Variants in YAF2 observed in about 807,000 individuals in gnomAD.
YAF2 encodes the protein YY1-associated factor 2.
In YAF2, 7 loss-of-function variants were observed where a neutral mutation model predicts 20.1. The ratio of observed to expected loss-of-function variants is 0.35; its 90% CI spans 0.20 to 0.65. The LOEUF is 0.65. Ranked by LOEUF, YAF2 falls within the 30% of genes least tolerant of loss-of-function variation. The pLI is 0.69. For missense variants in YAF2, 151 were observed against 219.2 expected (o/e 0.69, Z 1.96); for synonymous variants, 74 against 76.0 (o/e 0.97, Z 0.14).
rs915462595 is a variant in YAF2 at position 42,235,977 on chromosome 12, T to C, written c.152+1622A>G. ...ACTGGCTGTGGAGTAGGACACCAGCTTCCCCCCTTCCTTGCTGTCCCTGCA... is the reference window on the plus strand; with the variant it reads ...ACTGGCTGTGGAGTAGGACACCAGCCTCCCCCCTTCCTTGCTGTCCCTGCA... On this transcript the variant is annotated intron_variant, in intron 2 of 3. Transcript: ENST00000534854. The C allele has an allele frequency of 4.6e-6, 7 of 1,535,974 alleles. No individual in the cohort carries two copies. In the African/African-American group the frequency reaches 9.6e-5, roughly 21 times the overall value.
At chr12:42,210,315 GGA>G (rs1491042866) in intron 2 of YAF2, 2 of 1,390,500 alleles carry the variant, frequency 1.4e-6, no homozygotes, top group African/African-American at 2.9e-5. Flanking sequence ...AAATTTGGGG[GGA>G]AAAAAAATCT....
At chr12:42,185,237 T>C (rs1018698333) in intron 2 of YAF2, among the ~76,000 whole-genome samples, 5 of 152,270 alleles carry the variant, frequency 3.3e-5, no homozygotes, top group African/African-American at 1.2e-4. Flanking sequence ...AACAAGAAGA[T>C]GTGACTGAAT....
chr12:42,228,255 G>A lies in YAF2; in HGVS notation c.152+9344C>T, dbSNP rs1174284284. Among the ~76,000 whole-genome samples the A allele has an allele frequency of 6.5e-5, 5 of 76,640 alleles. 1 individual carries two copies. The highest frequency in any genetic ancestry group is 1.2e-3 in the South Asian group (2 of 1,664). 50.3% of individuals were successfully genotyped at this position (76,640 alleles called of 152,430 possible). On this transcript the variant is annotated intron_variant, in intron 2 of 3. Coordinates refer to ENST00000534854, the MANE Select transcript of YAF2 (RefSeq NM_005748.6). The stretch of plus-strand genomic sequence containing the variant: ...CGTCCTGGAGGGAGGTGGGGGTGTC[G>A]GCCCCCCGCCCGCGCCAGCCGCCCC...
intron 1 of YAF2, 98 bp downstream of exon 1, chr12:42,238,056 GC>G (rs1402819162): frequency 8.4e-6 from 9 of 1,068,892 alleles, no homozygotes; most frequent in Non-Finnish European, 1.1e-5. Context: ...CCCCGTGCTC[GC>G]CCCGGTGCCC....
At chr12:42,211,121 T>C (rs2067195197) in intron 2 of YAF2, among the ~76,000 whole-genome samples, 1 of 152,164 alleles carries the variant, frequency 6.6e-6, no homozygotes, top group South Asian at 2.1e-4. Flanking sequence ...ACAATTCTCA[T>C]TTTATCACTC....
chr12:42,235,746 C>T, intron 2 of YAF2: 2 of 1,535,124 alleles, frequency 1.3e-6, no homozygotes, highest in Non-Finnish European at 1.7e-6. Context: ...TCTACAAGAG[C>T]TTAGATGTAC....
At chr12:42,217,335 T>C (rs1032652239) in intron 2 of YAF2, among the ~76,000 whole-genome samples, 6 of 152,198 alleles carry the variant, frequency 3.9e-5, no homozygotes, top group African/African-American at 1.2e-4. Context: ...ACTCTGATAA[T>C]ACAGCTTTGC....
intron 2 of YAF2, among the ~76,000 whole-genome samples, chr12:42,220,324 ATTATC>A (rs143602849): frequency 0.024 from 3,660 of 152,308 alleles, 146 homozygotes; most frequent in African/African-American, 0.084. Flanking sequence ...GAGAAAAAGA[ATTATC>A]TTAAGGAAAA....
At chr12:42,214,865 G>T (rs368165778) in intron 2 of YAF2, among the ~76,000 whole-genome samples, 1 of 151,916 alleles carries the variant, frequency 6.6e-6, no homozygotes, top group Non-Finnish European at 1.5e-5. Flanking sequence ...TTAACCAGGC[G>T]TGGTGGCAGG....
chr12:42,200,733 T>A (rs940382416), intron 2 of YAF2, among the ~76,000 whole-genome samples: 11 of 152,170 alleles, frequency 7.2e-5, no homozygotes, highest in Non-Finnish European at 1.5e-4. Context: ...ATTGTACACA[T>A]CATTCTGAAA....
chr12:42,191,968 G>A (rs192362642), intron 2 of YAF2, among the ~76,000 whole-genome samples: 2 of 152,110 alleles, frequency 1.3e-5, no homozygotes, highest in Admixed American at 1.3e-4. Context: ...CTTGAACCCA[G>A]GAGGAGGAGG....
At chr12:42,187,841 G>C (rs1428521945) in intron 2 of YAF2, among the ~76,000 whole-genome samples, 2 of 152,164 alleles carry the variant, frequency 1.3e-5, no homozygotes, top group Admixed American at 6.5e-5. Context: ...ATTACAAAGT[G>C]GGATTTCTGG....
At chr12:42,179,103 T>C (rs149062154) in intron 2 of YAF2, among the ~76,000 whole-genome samples, 2 of 152,306 alleles carry the variant, frequency 1.3e-5, no homozygotes, top group East Asian at 3.9e-4. Flanking sequence ...CTTTAAGAAC[T>C]TGATTTACTT....
intron 2 of YAF2, among the ~76,000 whole-genome samples, chr12:42,209,029 A>C (rs2067130896): frequency 6.6e-6 from 1 of 152,222 alleles, no homozygotes; most frequent in South Asian, 2.1e-4. Flanking sequence ...AGAAATGAGA[A>C]GCAAGAAACT....
At chr12:42,230,198 AG>A (rs1237894261) in intron 2 of YAF2, among the ~76,000 whole-genome samples, 2 of 152,182 alleles carry the variant, frequency 1.3e-5, no homozygotes, top group African/African-American at 4.8e-5. Context: ...CGGAGATTGC[AG>A]TGAGCCAAGA....
intron 2 of YAF2, among the ~76,000 whole-genome samples, chr12:42,171,972 A>G (rs2066062656): frequency 1.3e-5 from 2 of 152,188 alleles, no homozygotes; most frequent in Admixed American, 6.5e-5. Context: ...TCAAACAAAA[A>G]AAGAGTTTAA....
intron 2 of YAF2, among the ~76,000 whole-genome samples, chr12:42,202,270 A>G (rs2066920429): frequency 6.6e-6 from 1 of 152,088 alleles, no homozygotes; most frequent in South Asian, 2.1e-4. Context: ...AAGTGCCATA[A>G]TTTTTTTAAC....
At chr12:42,232,829 C>T in intron 2 of YAF2, 1 of 985,276 alleles carries the variant, frequency 1.0e-6, no homozygotes, top group Non-Finnish European at 1.2e-6. Flanking sequence ...TGAAATAACT[C>T]ACTCTTTTTA....
At chr12:42,169,363 C>A (rs143685290) in intron 2 of YAF2, among the ~76,000 whole-genome samples, 46 of 152,218 alleles carry the variant, frequency 3.0e-4, no homozygotes, top group African/African-American at 1.1e-3. Flanking sequence ...CTCTTCCAGC[C>A]CCTTTAATGT....
Sources: allele counts gnomAD v4.1 joint callset (sites outside exome capture counted in the v4.1 genomes callset), GRCh38; gene constraint gnomAD v4.1.1; transcripts MANE v1.5; gene names NCBI Gene and HGNC (gene_info 2026-07-23, HGNC 2026-07-21).